The following ASTN2 variants were observed in gnomAD, a reference collection of about 807,000 sequenced individuals.
The protein encoded by ASTN2 is astrotactin 2, also known as astrotactin-2.
ASTN2 carries 54 observed loss-of-function variants against 139.8 expected under a neutral mutation model. That is an observed-to-expected ratio of 0.39 (90% CI 0.31 to 0.48). The LOEUF (loss-of-function observed/expected upper bound fraction) is 0.48. Ranked by LOEUF, ASTN2 falls within the 20% of genes least tolerant of loss-of-function variation. ASTN2 has a pLI of 0.95. For missense variants in ASTN2, 1,565 were observed against 1,725.1 expected, an observed-to-expected ratio of 0.91 and a Z score of 1.64; for synonymous variants, 756 against 719.5, an observed-to-expected ratio of 1.05 and a Z score of -0.81.
At chr9:117,168,326 T>C (rs987279780) in intron 3 of ASTN2, among the ~76,000 whole-genome samples, 1 of 152,198 alleles carries the variant, frequency 6.6e-6, no homozygotes, top group African/African-American at 2.4e-5. Flanking sequence ...GAATAAAATG[T>C]ACTTTATCAG....
intron 13 of ASTN2, among the ~76,000 whole-genome samples, chr9:116,783,262 TTTCCTTCCTTCC>T (rs72137868): frequency 0.39 from 50,961 of 131,506 alleles, 11,036 homozygotes; most frequent in East Asian, 0.78. Flanking sequence ...TCATAAAATC[TTTCCTTCCTTCC>T]TTCCTTCCTT....
intron 10 of ASTN2, among the ~76,000 whole-genome samples, chr9:116,923,214 C>T (rs1588414431): frequency 6.6e-6 from 1 of 152,176 alleles, no homozygotes; most frequent in South Asian, 2.1e-4. Flanking sequence ...CAGGCTCAGC[C>T]AGAAGTCTGG....
intron 5 of ASTN2, among the ~76,000 whole-genome samples, chr9:117,050,354 A>G (rs1838879931): frequency 6.6e-6 from 1 of 152,150 alleles, no homozygotes; most frequent in Admixed American, 6.5e-5. Flanking sequence ...ACTTTGTGAA[A>G]ATAGGAGCAG....
At chr9:116,817,854 A>C (rs1005652383) in intron 12 of ASTN2, among the ~76,000 whole-genome samples, 6 of 152,198 alleles carry the variant, frequency 3.9e-5, no homozygotes, top group Non-Finnish European at 5.9e-5. Context: ...ATCACTTCTA[A>C]TTCTACATGA....
chr9:116,747,683 G>T (rs1428480759), intron 13 of ASTN2, among the ~76,000 whole-genome samples: 1 of 144,386 alleles, frequency 6.9e-6, no homozygotes. Context: ...TTATACACAG[G>T]TGTGCATGAG....
chr9:117,210,581 A>G (rs1279359297), intron 3 of ASTN2, among the ~76,000 whole-genome samples: 1 of 152,222 alleles, frequency 6.6e-6, no homozygotes, highest in Non-Finnish European at 1.5e-5. Flanking sequence ...TCCAACAAAG[A>G]AAAGTACAGG....
At chr9:116,980,714 C>G (rs1836488195) in intron 7 of ASTN2, among the ~76,000 whole-genome samples, 2 of 152,188 alleles carry the variant, frequency 1.3e-5, no homozygotes. Context: ...CTAGCAAGAT[C>G]TCCATCAATG....
chr9:117,378,359 G>A (rs550436764), intron 1 of ASTN2, among the ~76,000 whole-genome samples: 2 of 152,258 alleles, frequency 1.3e-5, no homozygotes, highest in East Asian at 3.9e-4. Context: ...GGATAGCAGG[G>A]GAACTTTATA....
intron 1 of ASTN2, among the ~76,000 whole-genome samples, chr9:117,386,168 A>T (rs1217947960): frequency 6.6e-6 from 1 of 152,172 alleles, no homozygotes; most frequent in Non-Finnish European, 1.5e-5. Flanking sequence ...CAGACATTTC[A>T]TACTCAGACA....
intron 4 of ASTN2, among the ~76,000 whole-genome samples, chr9:117,099,612 A>G (rs931473223): frequency 5.9e-5 from 9 of 152,178 alleles, no homozygotes; most frequent in Admixed American, 2.0e-4. Flanking sequence ...TTTCATATTT[A>G]CAAGAACCCT....
chr9:117,191,210 T>A (rs1293805656), intron 3 of ASTN2, among the ~76,000 whole-genome samples: 1 of 145,078 alleles, frequency 6.9e-6, no homozygotes, highest in Non-Finnish European at 1.5e-5. Context: ...TGGTTGTTGA[T>A]GTTGAATACA....
At chr9:116,623,559 C>A (rs1457172465) in intron 17 of ASTN2, among the ~76,000 whole-genome samples, 1 of 152,150 alleles carries the variant, frequency 6.6e-6, no homozygotes, top group East Asian at 1.9e-4. Flanking sequence ...GGAGGAAAAT[C>A]ATAGAATGTT....
chr9:116,632,698 A>C (rs1856868345), intron 17 of ASTN2, among the ~76,000 whole-genome samples: 1 of 152,154 alleles, frequency 6.6e-6, no homozygotes, highest in African/African-American at 2.4e-5. Context: ...CCTTTATTCT[A>C]TCTTTAATCA....
intron 10 of ASTN2, among the ~76,000 whole-genome samples, chr9:116,918,056 T>C (rs1156829414): frequency 6.6e-6 from 1 of 152,164 alleles, no homozygotes; most frequent in Non-Finnish European, 1.5e-5. Flanking sequence ...CTTTTGCTTC[T>C]TCCTCATTTT....
chr9:116,480,023 G>C (rs1427402475), intron 20 of ASTN2, among the ~76,000 whole-genome samples: 1 of 152,080 alleles, frequency 6.6e-6, no homozygotes, highest in African/African-American at 2.4e-5. Context: ...ACCTTACAGA[G>C]TTGTTGTGAG....
chr9:116,847,404 G>A (rs12377370), intron 11 of ASTN2, among the ~76,000 whole-genome samples: 29,663 of 152,084 alleles, frequency 0.2, 3,517 homozygotes, highest in Middle Eastern at 0.29. Flanking sequence ...ATGAGCCACC[G>A]TGCCCAGCTG....
At chr9:117,185,759 A>G (rs1831180236) in intron 3 of ASTN2, among the ~76,000 whole-genome samples, 1 of 152,190 alleles carries the variant, frequency 6.6e-6, no homozygotes, top group South Asian at 2.1e-4. Context: ...AGTAGAAGCC[A>G]TGGGCATGCA....
intron 5 of ASTN2, among the ~76,000 whole-genome samples, chr9:117,082,711 G>A (rs1352681436): frequency 2.6e-5 from 4 of 152,300 alleles, no homozygotes; most frequent in African/African-American, 4.8e-5. Flanking sequence ...GCTGAGGCAC[G>A]AGAATCACTT....
At chr9:117,343,552 A>G (rs78668427) in intron 1 of ASTN2, among the ~76,000 whole-genome samples, 5,695 of 152,290 alleles carry the variant, frequency 0.037, 147 homozygotes, top group South Asian at 0.1. Context: ...TCCATGAATA[A>G]TGTCATAGAA....
Sources: allele counts gnomAD v4.1 joint callset (sites outside exome capture counted in the v4.1 genomes callset), GRCh38; gene constraint gnomAD v4.1.1; transcripts MANE v1.5; gene names NCBI Gene and HGNC (gene_info 2026-07-23, HGNC 2026-07-21).